Variants in LSM4 observed in about 807,000 individuals in gnomAD.
LSM4 encodes LSM4 homolog, U6 small nuclear RNA and mRNA degradation associated, also known as U6 snRNA-associated Sm-like protein LSm4.
In LSM4, 15 loss-of-function variants were observed where a neutral mutation model predicts 22.3. The ratio of observed to expected loss-of-function variants is 0.67; its 90% confidence interval spans 0.45 to 1.03. The LOEUF (loss-of-function observed/expected upper bound fraction) is 1.03, where lower values mean the gene tolerates loss of function less well. LSM4 is among the 50% of genes least tolerant of loss of function. The probability of loss-of-function intolerance (pLI) is 0.00; values close to 1 mark genes in which losing one functional copy is unlikely to be tolerated. For synonymous variants in LSM4, 90 were observed against 79.8 expected (o/e 1.13, Z -0.68); for missense variants, 127 against 198.0 (o/e 0.64, Z 2.15).
In LSM4 at chr19:18,307,236, T is replaced by C; in HGVS notation, c.*228A>G. 2.4e-6 allele frequency: 1 copy of C among 420,846 alleles called. No homozygotes were observed. Among genetic ancestry groups the C allele is most frequent in the Non-Finnish European group, 4.2e-6 (1 of 237,038 alleles). The allele number at this position is 420,846 out of a possible 1,614,324, so 26.1% of individuals were successfully genotyped here. On this transcript the variant is annotated 3_prime_UTR_variant, in exon 5 of 5. Coordinates refer to ENST00000593829, the MANE Select transcript of LSM4 (RefSeq NM_012321.5). ...GACTCTTCTAGGAATCCAGCCAGTT[T>C]TGGGACGGCCGTTTCACAAAACCAA...
At chr19:18,314,996 T>G (rs1970338980) in intron 2 of LSM4, among the ~76,000 whole-genome samples, 1 of 152,150 alleles carries the variant, frequency 6.6e-6, no homozygotes, top group Non-Finnish European at 1.5e-5. Flanking sequence ...GCCATTCTCC[T>G]GCCTCTGCCT....
chr19:18,311,575 G>A (rs1970297931), intron 3 of LSM4, among the ~76,000 whole-genome samples: 1 of 152,186 alleles, frequency 6.6e-6, no homozygotes, highest in Non-Finnish European at 1.5e-5. Context: ...TCCAATACCG[G>A]AAGTGGACAG....
chr19:18,311,926 G>A (rs1277836309), intron 3 of LSM4, among the ~76,000 whole-genome samples: 1 of 152,162 alleles, frequency 6.6e-6, no homozygotes, highest in Non-Finnish European at 1.5e-5. Flanking sequence ...CTATACCATG[G>A]GGGGCTGTCA....
chr19:18,316,178 G>T, intron 1 of LSM4, 113 bp from the exon 2 acceptor site: 1 of 877,744 alleles, frequency 1.1e-6, no homozygotes, highest in East Asian at 2.7e-5. Context: ...GGGGGCACAG[G>T]AGTGCGTGTC....
At position 18,314,556 on chromosome 19, in the gene LSM4, C is replaced by T. The variant is rs1397666635; in HGVS notation, c.45+1468G>A. 3.3e-5 allele frequency among the ~76,000 whole-genome samples: 5 copies of T among 151,886 alleles called. No homozygotes were observed. The East Asian group carries it at 9.7e-4, about 29-fold the overall frequency. On this transcript the variant is annotated intron_variant, in intron 2 of 4. Transcript: ENST00000593829. ...GGTAAGTATCCGCTCCACGGAGTAT[C>T]GTCTGGCTATAAGGAATGAGGCACT...
At chr19:18,309,567 G>A in intron 4 of LSM4, 111 bp downstream of exon 4, 1 of 1,207,218 alleles carries the variant, frequency 8.3e-7, no homozygotes. Flanking sequence ...GGGGGCCCGG[G>A]AGGGTTGGGA....
At chr19:18,319,109 G>A (rs1970392512) in intron 1 of LSM4, among the ~76,000 whole-genome samples, 1 of 152,074 alleles carries the variant, frequency 6.6e-6, no homozygotes, top group Admixed American at 6.6e-5. Context: ...GGGCGTGGTG[G>A]TAGGCAACTG....
At chr19:18,312,386 A>G in intron 3 of LSM4, 1 of 518,012 alleles carries the variant, frequency 1.9e-6, no homozygotes, top group Non-Finnish European at 3.5e-6. Flanking sequence ...CAACAGACAC[A>G]CAGCAGGAAA....
intron 1 of LSM4, among the ~76,000 whole-genome samples, chr19:18,321,116 G>T (rs1022331980): frequency 2.5e-4 from 38 of 152,234 alleles, no homozygotes; most frequent in African/African-American, 8.9e-4. Context: ...ACTCCTCCAG[G>T]AAACAGCTGG....
At chr19:18,314,750 G>C (rs934574821) in intron 2 of LSM4, among the ~76,000 whole-genome samples, 1 of 152,128 alleles carries the variant, frequency 6.6e-6, no homozygotes, top group Non-Finnish European at 1.5e-5. Flanking sequence ...GCTGGGAAGT[G>C]ACTGCTGATG....
chr19:18,313,041 A>G (rs11881943), intron 2 of LSM4, among the ~76,000 whole-genome samples: 11,126 of 152,272 alleles, frequency 0.073, 473 homozygotes, highest in Non-Finnish European at 0.084. Context: ...CAACATGGTG[A>G]AACCCCATCT....
At chr19:18,322,826 C>G (rs1009772388) in intron 1 of LSM4, among the ~76,000 whole-genome samples, 192 bp downstream of exon 1, 1 of 152,160 alleles carries the variant, frequency 6.6e-6, no homozygotes, top group African/African-American at 2.4e-5. Context: ...ACCCTAAATC[C>G]CAGACACGAA....
At chr19:18,310,174 T>C (rs895479321) in intron 3 of LSM4, 2 of 371,882 alleles carry the variant, frequency 5.4e-6, no homozygotes, top group Non-Finnish European at 9.7e-6. Flanking sequence ...TGGGGCTCCC[T>C]CCAGCCTGGG....
At chr19:18,320,279 G>A (rs1317957098) in intron 1 of LSM4, among the ~76,000 whole-genome samples, 1 of 152,154 alleles carries the variant, frequency 6.6e-6, no homozygotes, top group African/African-American at 2.4e-5. Flanking sequence ...AGACTGAGGT[G>A]GGAGGATCGC....
chr19:18,316,156 C>T (rs767702721), intron 1 of LSM4, 91 bp from the exon 2 acceptor site: 220 of 1,225,990 alleles, frequency 1.8e-4, no homozygotes, highest in Non-Finnish European at 2.5e-4. Flanking sequence ...ATAGATGGTG[C>T]GGTGCGGTTG....
Position 18,312,595 on chromosome 19 carries a change from A to G in LSM4, c.144+9T>C, listed in dbSNP as rs761303208. ...GCATCCCACCCCCGTTGGTGGGTGC[A>G]GCACCCACCCTGGACGTGCAGATGA... On this transcript the variant is annotated intron_variant, in intron 3 of 4. Transcript: ENST00000593829. 1.9e-6 allele frequency: 3 copies of G among 1,603,346 alleles called. No homozygotes were observed. Among genetic ancestry groups the G allele is most frequent in the East Asian group, 4.5e-5 (2 of 44,594 alleles).
chr19:18,320,442 T>C (rs1473912651), intron 1 of LSM4, among the ~76,000 whole-genome samples: 2 of 152,008 alleles, frequency 1.3e-5, no homozygotes, highest in African/African-American at 4.8e-5. Flanking sequence ...CCAGTGAGGT[T>C]GAGGCTGTAG....
At chr19:18,313,069 A>C (rs1312755457) in intron 2 of LSM4, among the ~76,000 whole-genome samples, 1 of 152,214 alleles carries the variant, frequency 6.6e-6, no homozygotes, top group African/African-American at 2.4e-5. Context: ...AATCATAAAA[A>C]TTAGCTGGGC....
intron 2 of LSM4, among the ~76,000 whole-genome samples, chr19:18,313,468 T>C (rs1970320159): frequency 6.6e-6 from 1 of 152,204 alleles, no homozygotes; most frequent in African/African-American, 2.4e-5. Flanking sequence ...AGAACAAAGA[T>C]AAGTAGCAGA....
Sources: gnomAD v4.1 joint callset for allele counts (sites outside exome capture counted in the v4.1 genomes callset) on GRCh38, gnomAD v4.1.1 for gene constraint, MANE v1.5 for transcripts, NCBI Gene and HGNC (gene_info 2026-07-23, HGNC 2026-07-21) for gene names.